Variants in PTN observed in about 807,000 individuals in gnomAD.
PTN encodes heparin affin regulatory protein.
Under a neutral mutation model 24.1 loss-of-function variants are expected in PTN, and 18 were observed. The observed-to-expected ratio is 0.75, with a 90% CI of 0.52 to 1.11. PTN has a LOEUF of 1.11. Among genes scored for constraint, PTN ranks in the 50% least tolerant of loss-of-function variants. The probability of loss-of-function intolerance (pLI) is 0.00; values close to 1 mark genes in which losing one functional copy is unlikely to be tolerated. For synonymous variants in PTN, 78 were observed against 68.6 expected, an observed-to-expected ratio of 1.14 and a Z score of -0.67; for missense variants, 163 against 198.8, an observed-to-expected ratio of 0.82 and a Z score of 1.08.
intron 1 of PTN, among the ~76,000 whole-genome samples, chr7:137,312,646 T>C (rs1052481437): frequency 2.6e-5 from 4 of 152,216 alleles, no homozygotes; most frequent in South Asian, 2.1e-4. Flanking sequence ...TATTAACCAC[T>C]GGAGAGATTT....
chr7:137,266,567 T>A (rs1169631121), intron 1 of PTN, among the ~76,000 whole-genome samples: 1 of 152,040 alleles, frequency 6.6e-6, no homozygotes, highest in Non-Finnish European at 1.5e-5. Context: ...AACCAGTTAA[T>A]TTATTTCAGG....
At chr7:137,275,657 A>G (rs1021495907) in intron 1 of PTN, among the ~76,000 whole-genome samples, 1 of 151,810 alleles carries the variant, frequency 6.6e-6, no homozygotes, top group Non-Finnish European at 1.5e-5. Context: ...TTTAAAAAAA[A>G]AAATTGTATT....
Position 137,277,125 on chromosome 7 carries a change from C to A in PTN, c.-1-22151G>T, listed in dbSNP as rs74936821. ...AAGAACACTTAATAAAAATCATGGG[C>A]AAAAAAACTGGACACTTTATCAAAG... On this transcript the variant is annotated intron_variant, in intron 1 of 4. Coordinates refer to ENST00000348225, the MANE Select transcript of PTN (RefSeq NM_002825.7). 7.4e-3 allele frequency among the ~76,000 whole-genome samples: 1,129 copies of A among 152,060 alleles called. 58 individuals carry two copies. The East Asian group carries it at 0.13, about 18-fold the overall frequency.
chr7:137,323,919 C>T (rs1810206884), intron 1 of PTN, among the ~76,000 whole-genome samples: 1 of 152,110 alleles, frequency 6.6e-6, no homozygotes, highest in Non-Finnish European at 1.5e-5. Context: ...AGAGAATCCA[C>T]AGATCGTAAT....
intron 1 of PTN, among the ~76,000 whole-genome samples, chr7:137,288,221 C>A (rs928175716): frequency 6.6e-6 from 1 of 152,014 alleles, no homozygotes; most frequent in South Asian, 2.1e-4. Context: ...AAGCTGTTGC[C>A]CCAAATAATT....
chr7:137,319,522 A>C (rs570127352), intron 1 of PTN, among the ~76,000 whole-genome samples: 2 of 152,336 alleles, frequency 1.3e-5, no homozygotes, highest in Admixed American at 1.3e-4. Flanking sequence ...CCAAGACCAC[A>C]GTCCTCCTTG....
chr7:137,246,212 CT>C (rs1808721068), intron 4 of PTN, among the ~76,000 whole-genome samples: 1 of 152,104 alleles, frequency 6.6e-6, no homozygotes, highest in African/African-American at 2.4e-5. Flanking sequence ...TTTACTATAT[CT>C]TTTCAATAAT....
At chr7:137,286,322 T>C (rs188978971) in intron 1 of PTN, among the ~76,000 whole-genome samples, 1 of 152,366 alleles carries the variant, frequency 6.6e-6, no homozygotes, top group East Asian at 1.9e-4. Flanking sequence ...CCTAAAGGCA[T>C]GAACCCTTAG....
chr7:137,284,408 G>A (rs1378482634), intron 1 of PTN, among the ~76,000 whole-genome samples: 1 of 151,590 alleles, frequency 6.6e-6, no homozygotes, highest in African/African-American at 2.4e-5. Flanking sequence ...TTCTTTCCTT[G>A]GAAGCATCAA....
chr7:137,246,592 A>G (rs571237536), intron 4 of PTN, among the ~76,000 whole-genome samples: 2 of 152,342 alleles, frequency 1.3e-5, no homozygotes, highest in African/African-American at 4.8e-5. Flanking sequence ...TGACATCAAA[A>G]GAGAACAAAA....
chr7:137,282,453 G>C (rs1252061954), intron 1 of PTN, among the ~76,000 whole-genome samples: 1 of 152,154 alleles, frequency 6.6e-6, no homozygotes, highest in Non-Finnish European at 1.5e-5. Flanking sequence ...AAAATGAGGA[G>C]GTAGGTGTAC....
chr7:137,307,810 T>C (rs1025941714), intron 1 of PTN, among the ~76,000 whole-genome samples: 1 of 152,218 alleles, frequency 6.6e-6, no homozygotes, highest in East Asian at 1.9e-4. Flanking sequence ...TTGCCCAAAG[T>C]CACTGATGAA....
intron 4 of PTN, chr7:137,236,209 C>T (rs1209927286): frequency 7.1e-6 from 5 of 702,490 alleles, no homozygotes; most frequent in Non-Finnish European, 1.0e-5. Flanking sequence ...TCTTCTCAAA[C>T]TCTCCCCACT....
chr7:137,321,658 C>T (rs1445625252), intron 1 of PTN, among the ~76,000 whole-genome samples: 1 of 152,104 alleles, frequency 6.6e-6, no homozygotes, highest in African/African-American at 2.4e-5. Flanking sequence ...ATAATTTCTT[C>T]TTCTTGTCAC....
chr7:137,323,234 A>T (rs182756431), intron 1 of PTN, among the ~76,000 whole-genome samples: 1 of 152,228 alleles, frequency 6.6e-6, no homozygotes. Flanking sequence ...ACAGTGACCA[A>T]TTACAGACAG....
In PTN at chr7:137,342,138, T is replaced by C. The variant is rs117129688; in HGVS notation, c.-2+1301A>G. On this transcript the variant is annotated intron_variant, in intron 1 of 4. Transcript: ENST00000348225. The stretch of plus-strand genomic sequence containing the variant: ...AACTTTCAATATTTCTACATATCAA[T>C]GCATTCCCGGATAATTAAGGGGCTA... Among the ~76,000 whole-genome samples the C allele has an allele frequency of 6.2e-3, 949 of 152,322 alleles. 1 individual carries two copies. Among genetic ancestry groups the C allele is most frequent in the Non-Finnish European group, 9.6e-3 (650 of 68,024 alleles).
chr7:137,248,549 G>A (rs773771727), intron 4 of PTN, among the ~76,000 whole-genome samples: 6 of 152,252 alleles, frequency 3.9e-5, no homozygotes, highest in South Asian at 2.1e-4. Context: ...TTAGCTGGGC[G>A]CATGCCCATA....
At chr7:137,228,604 G>C (rs913771145) in intron 4 of PTN, among the ~76,000 whole-genome samples, 1 of 151,744 alleles carries the variant, frequency 6.6e-6, no homozygotes, top group Non-Finnish European at 1.5e-5. Context: ...TATTTGGCCA[G>C]CTATCTATGT....
intron 2 of PTN, 39 bp from the exon 3 acceptor site, chr7:137,253,676 A>C: frequency 2.1e-6 from 3 of 1,424,418 alleles, no homozygotes; most frequent in East Asian, 2.5e-5. Flanking sequence ...CATACAGAAA[A>C]CTCCTTAACT....
Sources: gnomAD v4.1 joint callset for allele counts (sites outside exome capture counted in the v4.1 genomes callset) on GRCh38, gnomAD v4.1.1 for gene constraint, MANE v1.5 for transcripts, NCBI Gene and HGNC (gene_info 2026-07-23, HGNC 2026-07-21) for gene names.